The following GRM8 variants were observed in gnomAD, a reference collection of about 807,000 sequenced individuals.
GRM8 encodes the protein metabotropic glutamate receptor 8.
A neutral mutation model predicts 87.2 loss-of-function variants in GRM8; 47 were observed. That is an observed-to-expected ratio of 0.54 (90% CI 0.43 to 0.69). The LOEUF (loss-of-function observed/expected upper bound fraction) is 0.69. Among genes scored for constraint, GRM8 ranks in the 30% least tolerant of loss-of-function variants. The pLI is 0.00. For missense variants in GRM8, 1,019 were observed against 1,139.2 expected (o/e 0.89, Z 1.52); for synonymous variants, 396 against 404.5 (o/e 0.98, Z 0.25).
chr7:126,505,869 C>T (rs1016325131), intron 9 of GRM8, among the ~76,000 whole-genome samples: 23 of 151,922 alleles, frequency 1.5e-4, no homozygotes, highest in African/African-American at 2.9e-4. Flanking sequence ...TTAAGATCTA[C>T]GCTCTTAGAA....
At chr7:126,811,260 G>A (rs1563209559) in intron 6 of GRM8, among the ~76,000 whole-genome samples, 1 of 151,874 alleles carries the variant, frequency 6.6e-6, no homozygotes, top group African/African-American at 2.4e-5. Flanking sequence ...ATGCCGTTTT[G>A]GTTACTATAG....
intron 9 of GRM8, chr7:126,512,295 TA>T (rs1811505908): frequency 6.6e-6 from 1 of 152,172 alleles, no homozygotes; most frequent in African/African-American, 2.4e-5. Flanking sequence ...TGCTGGTGGC[TA>T]CTTTGTGCAG....
intron 3 of GRM8, among the ~76,000 whole-genome samples, chr7:127,097,813 G>C (rs1824822984): frequency 6.6e-6 from 1 of 152,198 alleles, no homozygotes; most frequent in Non-Finnish European, 1.5e-5. Flanking sequence ...TTGACTCCAA[G>C]GTTGGTTCTA....
chr7:126,703,465 G>T (rs1810157834), intron 7 of GRM8, among the ~76,000 whole-genome samples: 1 of 152,158 alleles, frequency 6.6e-6, no homozygotes, highest in Non-Finnish European at 1.5e-5. Context: ...GGAACAGTCA[G>T]TTTTCCATGG....
intron 7 of GRM8, chr7:126,701,684 T>A (rs1196582886): frequency 2.6e-5 from 12 of 461,414 alleles, no homozygotes; most frequent in African/African-American, 1.8e-4. Context: ...ATTGTGAGAA[T>A]TTTTTTTTAG....
At chr7:127,208,313 G>A (rs909279314) in intron 2 of GRM8, among the ~76,000 whole-genome samples, 2 of 152,086 alleles carry the variant, frequency 1.3e-5, no homozygotes, top group Non-Finnish European at 2.9e-5. Flanking sequence ...AGCTCCTCCT[G>A]TAACCTATTG....
At chr7:126,636,817 A>C (rs1303069601) in intron 7 of GRM8, among the ~76,000 whole-genome samples, 1 of 152,102 alleles carries the variant, frequency 6.6e-6, no homozygotes, top group Non-Finnish European at 1.5e-5. Flanking sequence ...AAGTGCCTTT[A>C]ATAAACTGGA....
At chr7:126,637,635 T>C (rs1451717354) in intron 7 of GRM8, among the ~76,000 whole-genome samples, 1 of 152,180 alleles carries the variant, frequency 6.6e-6, no homozygotes, top group Non-Finnish European at 1.5e-5. Flanking sequence ...AATGTCTCCC[T>C]GAAACATGTG....
At chr7:126,719,846 G>T (rs1321445298) in intron 7 of GRM8, among the ~76,000 whole-genome samples, 10 of 108,194 alleles carry the variant, frequency 9.2e-5, no homozygotes, top group East Asian at 3.1e-4. Context: ...ATAGTCTTTA[G>T]TCTTGAAAAA....
intron 8 of GRM8, among the ~76,000 whole-genome samples, chr7:126,556,539 C>T (rs911556647): frequency 4.6e-5 from 7 of 151,764 alleles, no homozygotes; most frequent in Non-Finnish European, 8.8e-5. Flanking sequence ...CACAGCTACT[C>T]GGGAGGCTGA....
At chr7:126,589,527 T>C (rs1398110991) in intron 8 of GRM8, among the ~76,000 whole-genome samples, 3 of 152,128 alleles carry the variant, frequency 2.0e-5, no homozygotes, top group Non-Finnish European at 4.4e-5. Context: ...CTTGATGGTA[T>C]TTCTCTACCC....
intron 9 of GRM8, among the ~76,000 whole-genome samples, chr7:126,501,641 G>C (rs1045418832): frequency 6.6e-6 from 1 of 152,004 alleles, no homozygotes; most frequent in African/African-American, 2.4e-5. Flanking sequence ...TTGTCATTGG[G>C]GATTTGGGAA....
intron 7 of GRM8, among the ~76,000 whole-genome samples, chr7:126,653,300 C>CAAAAAAAA (rs35546815): frequency 2.8e-5 from 3 of 109,010 alleles, no homozygotes; most frequent in South Asian, 3.4e-4. Flanking sequence ...ATCCTGTCTC[C>CAAAAAAAA]AAAAAAAAAA....
chr7:126,721,377 T>C (rs914239402), intron 7 of GRM8, among the ~76,000 whole-genome samples: 1 of 152,168 alleles, frequency 6.6e-6, no homozygotes, highest in Non-Finnish European at 1.5e-5. Context: ...AATGAGGTTA[T>C]AAAGAAATGA....
At chr7:126,471,826 T>C (rs1805291599) in intron 9 of GRM8, among the ~76,000 whole-genome samples, 1 of 152,166 alleles carries the variant, frequency 6.6e-6, no homozygotes, top group African/African-American at 2.4e-5. Context: ...CCCATGAGCA[T>C]GGAATGTTCT....
At chr7:126,883,601 AT>A (rs1554520267) in intron 6 of GRM8, among the ~76,000 whole-genome samples, 1 of 151,978 alleles carries the variant, frequency 6.6e-6, no homozygotes. Flanking sequence ...TAATCAAAGT[AT>A]TTTTTTTAGA....
chr7:126,584,487 A>C lies in GRM8; in HGVS notation c.1494+24875T>G, dbSNP rs147862918. On this transcript the variant is annotated intron_variant, in intron 8 of 10. Transcript: ENST00000339582. The stretch of plus-strand genomic sequence containing the variant: ...GAGGTATGCCTATAAATGTTTGTTG[A>C]CCGATTGTCTCAATGTTACAAGCTG... Among the ~76,000 whole-genome samples the C allele has an allele frequency of 7.9e-3, 1,204 of 152,310 alleles. 29 individuals are homozygous for C. The highest frequency in any genetic ancestry group is 4.7e-3 in the Admixed American group (72 of 15,286).
At position 127,092,391 on chromosome 7, in the gene GRM8, G is replaced by A. The variant is rs1269262920; in HGVS notation, c.727+14105C>T. On this transcript the variant is annotated intron_variant, in intron 3 of 10. Coordinates refer to ENST00000339582, the MANE Select transcript of GRM8 (RefSeq NM_000845.3). ...AGAAGGCTTCCTGGAAATAAACTGT[G>A]AACAGAAAGAAAATAAAACATTGGC... Among the ~76,000 whole-genome samples the A allele has an allele frequency of 3.9e-5, 6 of 152,230 alleles. No individual in the cohort carries two copies. In the South Asian group the frequency reaches 1.2e-3, roughly 32 times the overall value.
At chr7:127,009,115 G>A (rs1057103705) in intron 3 of GRM8, among the ~76,000 whole-genome samples, 4 of 151,366 alleles carry the variant, frequency 2.6e-5, no homozygotes, top group African/African-American at 9.7e-5. Context: ...GTTTGACTTT[G>A]ATTAATGTGA....
Sources: gnomAD v4.1 joint callset for allele counts (sites outside exome capture counted in the v4.1 genomes callset) on GRCh38, gnomAD v4.1.1 for gene constraint, MANE v1.5 for transcripts, NCBI Gene and HGNC (gene_info 2026-07-23, HGNC 2026-07-21) for gene names.